RASAL2: variants seen among roughly 807,000 people sequenced by gnomAD.
RASAL2 encodes ras GTPase-activating protein nGAP.
Under a neutral mutation model 128.9 loss-of-function variants are expected in RASAL2, and 58 were observed. The ratio of observed to expected loss-of-function variants is 0.45; its 90% CI spans 0.36 to 0.56. The LOEUF is 0.56. Ranked by LOEUF, RASAL2 falls within the 20% of genes least tolerant of loss-of-function variation. RASAL2 has a pLI of 0.00. For synonymous variants in RASAL2, 561 were observed against 580.8 expected (o/e 0.97, Z 0.49); for missense variants, 1,360 against 1,601.6 (o/e 0.85, Z 2.57).
rs1664118907 is a variant in RASAL2 at position 178,233,909 on chromosome 1, G to C, written c.203-49655G>C. On this transcript the variant is annotated intron_variant, in intron 1 of 17. Transcript: ENST00000367649. Reference sequence around the variant, plus strand: ...TATTGCAATGAATAAGGGGAAAAAAGGGATGGCTCAGATTTAGTTACTGTT... The same window carrying C: ...TATTGCAATGAATAAGGGGAAAAAACGGATGGCTCAGATTTAGTTACTGTT... Among the ~76,000 whole-genome samples the C allele has an allele frequency of 2.0e-5, 3 of 152,202 alleles. No homozygotes were observed. The South Asian group carries it at 6.2e-4, about 32-fold the overall frequency.
chr1:178,181,686 AG>A (rs987800868), intron 1 of RASAL2, among the ~76,000 whole-genome samples: 3 of 152,028 alleles, frequency 2.0e-5, no homozygotes, highest in Admixed American at 6.6e-5. Context: ...TGGCTGTGAC[AG>A]TCTCTCAGGC....
chr1:178,099,981 C>T (rs940902221), intron 1 of RASAL2, among the ~76,000 whole-genome samples: 2 of 151,830 alleles, frequency 1.3e-5, no homozygotes, highest in Non-Finnish European at 2.9e-5. Context: ...AAAATCATAC[C>T]AAGTGGTATA....
At chr1:178,467,871 AG>A (rs1490358806) in intron 17 of RASAL2, among the ~76,000 whole-genome samples, 3 of 152,184 alleles carry the variant, frequency 2.0e-5, no homozygotes, top group Admixed American at 1.3e-4. Context: ...GGGAAAGACA[AG>A]GTTGTAAAAA....
intron 3 of RASAL2, among the ~76,000 whole-genome samples, chr1:178,320,637 C>CGCCCT (rs1668721145): frequency 6.6e-6 from 1 of 152,180 alleles, no homozygotes; most frequent in South Asian, 2.1e-4. Context: ...GGCAATGCCT[C>CGCCCT]GCCCTGCTTT....
chr1:178,342,286 A>G (rs1474786656), intron 3 of RASAL2, among the ~76,000 whole-genome samples: 2 of 152,230 alleles, frequency 1.3e-5, no homozygotes, highest in Admixed American at 6.5e-5. Flanking sequence ...GGTCTAAGGT[A>G]CTTGCCCAAG....
intron 7 of RASAL2, 125 bp from the exon 8 acceptor site, chr1:178,442,550 A>G (rs1232746152): frequency 1.4e-6 from 1 of 718,228 alleles, no homozygotes; most frequent in African/African-American, 1.8e-5. Context: ...ATGAGATAGC[A>G]ATCCCTTTCA....
intron 3 of RASAL2, among the ~76,000 whole-genome samples, chr1:178,330,190 T>G (rs1437993910): frequency 6.6e-6 from 1 of 152,184 alleles, no homozygotes; most frequent in Non-Finnish European, 1.5e-5. Context: ...TGCACAAATC[T>G]TTTCTCAAAA....
At chr1:178,430,414 A>G (rs1340525467) in intron 5 of RASAL2, among the ~76,000 whole-genome samples, 1 of 152,110 alleles carries the variant, frequency 6.6e-6, no homozygotes, top group African/African-American at 2.4e-5. Context: ...CTTTATCTTA[A>G]TAGAAAAAAT....
intron 1 of RASAL2, among the ~76,000 whole-genome samples, chr1:178,118,089 G>A (rs1370047779): frequency 6.6e-6 from 1 of 151,726 alleles, no homozygotes; most frequent in Non-Finnish European, 1.5e-5. Context: ...CCTTGAACCC[G>A]GGAGGTGGAG....
At chr1:178,098,911 A>G (rs531758367) in intron 1 of RASAL2, among the ~76,000 whole-genome samples, 1 of 152,366 alleles carries the variant, frequency 6.6e-6, no homozygotes, top group Non-Finnish European at 1.5e-5. Flanking sequence ...TAAGTACCTT[A>G]TAATTCCAGA....
chr1:178,228,134 T>C (rs1332487961), intron 1 of RASAL2, among the ~76,000 whole-genome samples: 1 of 152,232 alleles, frequency 6.6e-6, no homozygotes, highest in African/African-American at 2.4e-5. Context: ...GTGACAGATC[T>C]GAGTCTTCAC....
intron 1 of RASAL2, among the ~76,000 whole-genome samples, chr1:178,260,413 T>G: frequency 1.1e-5 from 1 of 89,750 alleles, no homozygotes; most frequent in Non-Finnish European, 2.2e-5. Flanking sequence ...TATATATATA[T>G]ATGATAATAA....
intron 3 of RASAL2, among the ~76,000 whole-genome samples, chr1:178,362,092 T>G (rs1440494165): frequency 1.3e-5 from 2 of 152,196 alleles, no homozygotes; most frequent in Non-Finnish European, 2.9e-5. Context: ...CATAAACCAG[T>G]ACTGCTCCGT....
chr1:178,290,371 A>G (rs1667220075), intron 2 of RASAL2, among the ~76,000 whole-genome samples: 1 of 152,228 alleles, frequency 6.6e-6, no homozygotes. Flanking sequence ...AGAACATGTA[A>G]CTTAATTCTT....
At chr1:178,098,510 A>G (rs1658775913) in intron 1 of RASAL2, among the ~76,000 whole-genome samples, 1 of 152,186 alleles carries the variant, frequency 6.6e-6, no homozygotes. Flanking sequence ...TTAAAATTAA[A>G]TACTTTACCA....
intron 1 of RASAL2, among the ~76,000 whole-genome samples, chr1:178,278,450 C>G (rs1257195565): frequency 6.6e-6 from 1 of 152,150 alleles, no homozygotes; most frequent in African/African-American, 2.4e-5. Flanking sequence ...AGGCCCCACC[C>G]TAGCTGCCTG....
intron 1 of RASAL2, among the ~76,000 whole-genome samples, chr1:178,266,475 G>C (rs1055080312): frequency 1.3e-5 from 2 of 152,174 alleles, no homozygotes; most frequent in Non-Finnish European, 2.9e-5. Context: ...TTACTGGACA[G>C]CCTTATTCAT....
intron 3 of RASAL2, among the ~76,000 whole-genome samples, chr1:178,370,153 A>G (rs772710152): frequency 2.0e-5 from 3 of 152,276 alleles, no homozygotes; most frequent in South Asian, 4.1e-4. Context: ...TAGTTGTTCT[A>G]TACAAATGAA....
At chr1:178,248,260 G>C (rs1483149550) in intron 1 of RASAL2, among the ~76,000 whole-genome samples, 1 of 152,138 alleles carries the variant, frequency 6.6e-6, no homozygotes, top group Non-Finnish European at 1.5e-5. Flanking sequence ...CTCCTGTATT[G>C]ACTGCTTATA....
Sources: allele counts gnomAD v4.1 joint callset (sites outside exome capture counted in the v4.1 genomes callset), GRCh38; gene constraint gnomAD v4.1.1; transcripts MANE v1.5; gene names NCBI Gene and HGNC (gene_info 2026-07-23, HGNC 2026-07-21).